Variants in DNTTIP1 observed in about 807,000 individuals in gnomAD.
DNTTIP1 encodes deoxynucleotidyltransferase terminal-interacting protein 1.
DNTTIP1 carries 22 observed loss-of-function variants against 52.9 expected under a neutral mutation model. That is an observed-to-expected ratio of 0.42 (90% confidence interval 0.30 to 0.59). DNTTIP1 has a LOEUF of 0.59. Ranked by LOEUF, DNTTIP1 falls within the 20% of genes least tolerant of loss-of-function variation. DNTTIP1 has a pLI of 0.22. For synonymous variants in DNTTIP1, 136 were observed against 155.1 expected (o/e 0.88, Z 0.92); for missense variants, 286 against 435.5 (o/e 0.66, Z 3.06).
rs6130935 is a variant in DNTTIP1, at chr20:45,792,026, G to A, written c.22G>A (p.Glu8Lys). 6,276 of 1,271,704 alleles carry A rather than the reference G, an allele frequency of 4.9e-3. 341 individuals are homozygous for A. In the East Asian group the frequency reaches 0.13, roughly 26 times the overall value. 78.8% of individuals were successfully genotyped at this position (1,271,704 alleles called of 1,614,324 possible). ...CGCCATGGGAGCCACTGGCGACGCC[G>A]AGCAGCCGCGGGGACCTAGCGGGGC... MGATGDAEQPRGPSGAER... is the reference protein window; with the variant it reads MGATGDAKQPRGPSGAER... The change falls in exon 1 of 13, where the codon GAG (glutamate) becomes AAG (lysine). Residue 8 changes from glutamate (E) to lysine (K), a missense_variant. Glu to Lys is a moderately conservative substitution (Grantham distance 56). Coordinates refer to ENST00000372622, the MANE Select transcript of DNTTIP1 (RefSeq NM_052951.3).
chr20:45,804,641 C>T (rs183565364), intron 8 of DNTTIP1, among the ~76,000 whole-genome samples: 1 of 152,302 alleles, frequency 6.6e-6, no homozygotes, highest in East Asian at 1.9e-4. Context: ...GCTGCCACTC[C>T]CTAATTTGTA....
chr20:45,794,243 G>C (rs1344224079), intron 3 of DNTTIP1, among the ~76,000 whole-genome samples: 1 of 152,176 alleles, frequency 6.6e-6, no homozygotes, highest in Admixed American at 6.5e-5. Flanking sequence ...CCACTTCCCA[G>C]GTTCCAGCGA....
intron 2 of DNTTIP1, among the ~76,000 whole-genome samples, chr20:45,793,251 A>G (rs532516994): frequency 1.4e-4 from 21 of 152,256 alleles, no homozygotes; most frequent in Admixed American, 3.9e-4. Flanking sequence ...ACTTTTCTGT[A>G]TAAGTATTAT....
At chr20:45,801,555 A>G (rs1981473322) in intron 6 of DNTTIP1, 97 bp downstream of exon 6, 1 of 1,275,214 alleles carries the variant, frequency 7.8e-7, no homozygotes, top group Admixed American at 1.7e-5. Context: ...TGGGAGGCCA[A>G]GCGGGGAGGA....
chr20:45,796,457 G>A (rs1323340391), intron 4 of DNTTIP1: 1 of 470,660 alleles, frequency 2.1e-6, no homozygotes, highest in African/African-American at 2.0e-5. Context: ...CACCCCTGCA[G>A]GTGCGTGGTG....
intron 6 of DNTTIP1, among the ~76,000 whole-genome samples, 156 bp from the exon 7 acceptor site, chr20:45,801,843 C>A (rs1326491608): frequency 6.6e-6 from 1 of 152,154 alleles, no homozygotes; most frequent in Non-Finnish European, 1.5e-5. Context: ...CCCTTTTGAG[C>A]CTTCCTAGAC....
chr20:45,800,413 C>T (rs993202572), intron 4 of DNTTIP1, among the ~76,000 whole-genome samples: 1 of 151,538 alleles, frequency 6.6e-6, no homozygotes, highest in Non-Finnish European at 1.5e-5. Context: ...GTGGCTCATG[C>T]CTGTAATCGC....
chr20:45,810,385 A>G (rs1024439054), intron 11 of DNTTIP1, among the ~76,000 whole-genome samples: 13 of 152,182 alleles, frequency 8.5e-5, no homozygotes, highest in African/African-American at 3.1e-4. Context: ...ATTTTGCCAC[A>G]AAGTTCAAAA....
Position 45,809,963 on chromosome 20 carries a change from G to A in DNTTIP1, c.795+778G>A, listed in dbSNP as rs998132496. Among the ~76,000 whole-genome samples, 12 of 151,904 alleles carry A rather than the reference G, an allele frequency of 7.9e-5. No homozygotes were observed. The highest frequency in any genetic ancestry group is 2.7e-4 in the African/African-American group (11 of 41,352). ...ATAAAATGCAACATTACATAAATAAGAAATAGATGGTAGGGGGTGGGGGCA... is the reference window on the plus strand; with the variant it reads ...ATAAAATGCAACATTACATAAATAAAAAATAGATGGTAGGGGGTGGGGGCA... On this transcript the variant is annotated intron_variant, in intron 11 of 12. Coordinates refer to ENST00000372622, the MANE Select transcript of DNTTIP1 (RefSeq NM_052951.3). This position sits in a 1 kb window ranked among gnomAD's most constrained non-coding sequence, Gnocchi z 4.2.
intron 10 of DNTTIP1, among the ~76,000 whole-genome samples, chr20:45,808,191 C>G (rs1281259830): frequency 6.6e-6 from 1 of 152,022 alleles, no homozygotes; most frequent in African/African-American, 2.4e-5. Context: ...ACTAAAAATA[C>G]AAAAATCAGC....
intron 4 of DNTTIP1, among the ~76,000 whole-genome samples, chr20:45,798,544 C>T (rs1442944433): frequency 6.6e-6 from 1 of 152,132 alleles, no homozygotes; most frequent in Non-Finnish European, 1.5e-5. Context: ...CTGCCTGCTT[C>T]TTTAACTTCA....
At chr20:45,796,289 T>C (rs1275412010) in intron 4 of DNTTIP1, among the ~76,000 whole-genome samples, 1 of 152,072 alleles carries the variant, frequency 6.6e-6, no homozygotes, top group East Asian at 1.9e-4. Context: ...ACTATGTATA[T>C]CTATGTCAAT....
chr20:45,810,969 T>G (rs780700977), intron 12 of DNTTIP1, 29 bp downstream of exon 12: 1 of 1,614,104 alleles, frequency 6.2e-7, no homozygotes, highest in South Asian at 1.1e-5. Context: ...CTGCCCCTTC[T>G]CCTCTCCCTG....
At chr20:45,808,381 C>G (rs931213832) in intron 10 of DNTTIP1, among the ~76,000 whole-genome samples, 13 of 152,016 alleles carry the variant, frequency 8.6e-5, no homozygotes, top group African/African-American at 3.1e-4. Flanking sequence ...TGGCTCACAC[C>G]TGTAATCCCA....
chr20:45,803,547 G>A (rs537650271), intron 8 of DNTTIP1, among the ~76,000 whole-genome samples, 169 bp downstream of exon 8: 2 of 152,336 alleles, frequency 1.3e-5, no homozygotes, highest in East Asian at 3.9e-4. Context: ...AGGATCCTGT[G>A]TAGGAATTGG....
chr20:45,792,134 G>T (rs1405292418), intron 1 of DNTTIP1, 25 bp downstream of exon 1: 16 of 1,235,520 alleles, frequency 1.3e-5, no homozygotes, highest in African/African-American at 3.1e-5. Context: ...GGTGAGGTCT[G>T]GGCTCAGGCC....
chr20:45,793,742 T>C (rs534132125), intron 2 of DNTTIP1, among the ~76,000 whole-genome samples, 179 bp from the exon 3 acceptor site: 1 of 152,298 alleles, frequency 6.6e-6, no homozygotes, highest in African/African-American at 2.4e-5. Flanking sequence ...CATAGAGTTA[T>C]TATGAGAAAG....
intron 10 of DNTTIP1, 151 bp downstream of exon 10, chr20:45,805,517 G>A (rs1981606817): frequency 1.2e-6 from 1 of 854,754 alleles, no homozygotes; most frequent in Non-Finnish European, 1.8e-6. Flanking sequence ...TCCCTTTCAT[G>A]ATTTACTCAA....
intron 4 of DNTTIP1, among the ~76,000 whole-genome samples, chr20:45,798,453 G>T (rs1981316471): frequency 1.3e-5 from 2 of 151,962 alleles, no homozygotes; most frequent in Admixed American, 1.3e-4. Context: ...TGCATGTTGT[G>T]CACATGTACC....
Sources: allele counts gnomAD v4.1 joint callset (sites outside exome capture counted in the v4.1 genomes callset), GRCh38; gene constraint gnomAD v4.1.1; non-coding constraint Gnocchi (gnomAD v3.1); transcripts MANE v1.5; gene names NCBI Gene and HGNC (gene_info 2026-07-23, HGNC 2026-07-21).